PIP5K1B: variants seen among roughly 807,000 people sequenced by gnomAD.
PIP5K1B encodes the protein phosphatidylinositol-4-phosphate 5-kinase type 1 beta.
PIP5K1B carries 42 observed loss-of-function variants against 67.0 expected under a neutral mutation model. The ratio of observed to expected loss-of-function variants is 0.63; its 90% CI spans 0.49 to 0.81. The LOEUF is 0.81. Among genes scored for constraint, PIP5K1B ranks in the 30% least tolerant of loss-of-function variants. The probability of loss-of-function intolerance (pLI) is 0.00; values close to 1 mark genes in which losing one functional copy is unlikely to be tolerated. For missense variants in PIP5K1B, 459 were observed against 646.3 expected (o/e 0.71, Z 3.14); for synonymous variants, 214 against 231.4 (o/e 0.92, Z 0.68).
chr9:68,914,632 G>A (rs1215960137), intron 8 of PIP5K1B, among the ~76,000 whole-genome samples: 2 of 152,058 alleles, frequency 1.3e-5, no homozygotes, highest in Non-Finnish European at 2.9e-5. Flanking sequence ...GGAGAATGGT[G>A]TGAACCCGGG....
chr9:68,949,553 A>G (rs749869976), intron 14 of PIP5K1B, among the ~76,000 whole-genome samples: 2 of 152,234 alleles, frequency 1.3e-5, no homozygotes, highest in Non-Finnish European at 2.9e-5. Context: ...CAAAGTGGAT[A>G]TGTTTTCAGA....
At chr9:69,002,386 A>G (rs1830861021) in intron 15 of PIP5K1B, among the ~76,000 whole-genome samples, 1 of 152,206 alleles carries the variant, frequency 6.6e-6, no homozygotes, top group African/African-American at 2.4e-5. Flanking sequence ...TCGGCAATGC[A>G]GTTCCATAGC....
At chr9:68,810,253 T>A (rs1833090064) in intron 2 of PIP5K1B, among the ~76,000 whole-genome samples, 1 of 152,212 alleles carries the variant, frequency 6.6e-6, no homozygotes. Context: ...ATGAGTCCTC[T>A]CCTCATTCCA....
intron 2 of PIP5K1B, among the ~76,000 whole-genome samples, chr9:68,800,576 A>G (rs1832547171): frequency 2.0e-5 from 3 of 152,134 alleles, no homozygotes; most frequent in Admixed American, 2.0e-4. Context: ...TCGGGCCTTT[A>G]TGTGTGATTC....
chr9:68,951,227 T>G (rs1256021873), intron 14 of PIP5K1B, among the ~76,000 whole-genome samples: 1 of 152,190 alleles, frequency 6.6e-6, no homozygotes, highest in Non-Finnish European at 1.5e-5. Flanking sequence ...GTGTGGAAGG[T>G]CACAAATAAC....
At chr9:68,911,966 G>A (rs62566914) in intron 8 of PIP5K1B, among the ~76,000 whole-genome samples, 1 of 152,180 alleles carries the variant, frequency 6.6e-6, no homozygotes, top group African/African-American at 2.4e-5. Flanking sequence ...AATGAAGTCA[G>A]ATTAAATGCA....
At chr9:68,973,166 G>A (rs1056491769) in intron 14 of PIP5K1B, among the ~76,000 whole-genome samples, 1 of 152,134 alleles carries the variant, frequency 6.6e-6, no homozygotes, top group African/African-American at 2.4e-5. Context: ...GCCTGCTCCC[G>A]CAACAGCTCA....
intron 2 of PIP5K1B, chr9:68,779,929 T>A: frequency 2.1e-6 from 1 of 472,954 alleles, no homozygotes; most frequent in Non-Finnish European, 3.6e-6. Flanking sequence ...ATATACGGAC[T>A]AGCGGCCCGA....
At chr9:68,799,804 G>A (rs1832499425) in intron 2 of PIP5K1B, among the ~76,000 whole-genome samples, 1 of 152,156 alleles carries the variant, frequency 6.6e-6, no homozygotes, top group African/African-American at 2.4e-5. Flanking sequence ...CTAGGGGAAA[G>A]GCTTCATGAC....
chr9:68,921,838 G>A (rs1826421116), intron 11 of PIP5K1B, among the ~76,000 whole-genome samples: 2 of 151,596 alleles, frequency 1.3e-5, no homozygotes, highest in Admixed American at 1.3e-4. Flanking sequence ...GCGACAGAGC[G>A]AGACTCCATG....
intron 2 of PIP5K1B, among the ~76,000 whole-genome samples, chr9:68,761,351 G>C (rs1194791081): frequency 6.6e-6 from 1 of 152,216 alleles, no homozygotes; most frequent in African/African-American, 2.4e-5. Context: ...TGGAGTTCTT[G>C]TCTCTCCTTT....
At chr9:68,794,566 A>G (rs1264592026) in intron 2 of PIP5K1B, among the ~76,000 whole-genome samples, 2 of 151,842 alleles carry the variant, frequency 1.3e-5, no homozygotes, top group Non-Finnish European at 2.9e-5. Flanking sequence ...CTTGTCATCT[A>G]TTTCTCCTGA....
At chr9:68,826,854 C>T (rs182409628) in intron 4 of PIP5K1B, among the ~76,000 whole-genome samples, 97 of 152,294 alleles carry the variant, frequency 6.4e-4, no homozygotes, top group African/African-American at 2.2e-3. Flanking sequence ...CGGGTTCAAG[C>T]GATTCTCCTG....
intron 1 of PIP5K1B, among the ~76,000 whole-genome samples, chr9:68,711,399 A>C (rs1755841481): frequency 1.3e-5 from 2 of 152,248 alleles, no homozygotes; most frequent in Non-Finnish European, 2.9e-5. Flanking sequence ...GGGAGTAGTA[A>C]GCACATCATA....
intron 7 of PIP5K1B, among the ~76,000 whole-genome samples, chr9:68,892,277 T>C (rs1175922461): frequency 6.6e-6 from 1 of 152,190 alleles, no homozygotes; most frequent in African/African-American, 2.4e-5. Context: ...AAGAATGTTT[T>C]TTAAAATGAA....
chr9:68,801,288 C>A (rs2131981405), intron 2 of PIP5K1B, among the ~76,000 whole-genome samples: 1 of 152,242 alleles, frequency 6.6e-6, no homozygotes, highest in Middle Eastern at 3.4e-3. Flanking sequence ...TCCAGGGATA[C>A]TTAGCGGTAT....
intron 8 of PIP5K1B, among the ~76,000 whole-genome samples, chr9:68,912,694 A>G (rs369493530): frequency 6.6e-6 from 1 of 152,226 alleles, no homozygotes; most frequent in Non-Finnish European, 1.5e-5. Context: ...TGGGGGAGCC[A>G]TGAGTCAAAC....
At chr9:68,821,751 G>T (rs1833741627) in intron 3 of PIP5K1B, among the ~76,000 whole-genome samples, 1 of 152,184 alleles carries the variant, frequency 6.6e-6, no homozygotes, top group Non-Finnish European at 1.5e-5. Context: ...GTTAGATAAA[G>T]ATATAAGCAT....
intron 14 of PIP5K1B, among the ~76,000 whole-genome samples, chr9:68,975,111 C>G (rs1390410891): frequency 6.6e-6 from 1 of 152,230 alleles, no homozygotes; most frequent in Non-Finnish European, 1.5e-5. Flanking sequence ...CTGTGTCACC[C>G]AGGCTGGAGT....
Sources: gnomAD v4.1 joint callset for allele counts (sites outside exome capture counted in the v4.1 genomes callset) on GRCh38, gnomAD v4.1.1 for gene constraint, MANE v1.5 for transcripts, NCBI Gene and HGNC (gene_info 2026-07-23, HGNC 2026-07-21) for gene names.